LOXHD1: variants seen among roughly 807,000 people sequenced by gnomAD.
LOXHD1 encodes the protein lipoxygenase homology domain-containing protein 1.
Under a neutral mutation model 248.2 loss-of-function variants are expected in LOXHD1, and 205 were observed. The observed-to-expected ratio is 0.83, with a 90% confidence interval of 0.74 to 0.93. LOXHD1 has a LOEUF of 0.93. Ranked by LOEUF, LOXHD1 falls within the 40% of genes least tolerant of loss-of-function variation. The pLI is 0.00. For missense variants in LOXHD1, 2,930 were observed against 2,971.6 expected, an observed-to-expected ratio of 0.99 and a Z score of 0.33; for synonymous variants, 1,113 against 1,162.8, an observed-to-expected ratio of 0.96 and a Z score of 0.87.
rs199518750 is a variant in LOXHD1 at position 46,529,184 on chromosome 18, C to T, written c.4523G>A (p.Arg1508Lys). The T allele has an allele frequency of 3.0e-4, 465 of 1,551,572 alleles. 2 individuals are homozygous for T. Among genetic ancestry groups the T allele is most frequent in the Admixed American group, 1.1e-3 (54 of 50,982 alleles). ...TCCGTGTGCCCCTCATACCGTTCCT[C>T]TCTCGAACTTGTTGGTCCGGTTCTC... is the stretch of plus-strand genomic sequence containing the variant. ...KSENRTNKFE[R>K]GTADTFIIEA... The change falls in exon 29 of 41, where the codon AGA (arginine) becomes AAA (lysine). Residue 1508 changes from arginine (R) to lysine (K), a missense_variant. Coordinates refer to ENST00000642948, the MANE Select transcript of LOXHD1 (RefSeq NM_001384474.1).
At position 46,529,337 on chromosome 18, in the gene LOXHD1, C is replaced by T. The variant is rs369463541; in HGVS notation, c.4376-6G>A. 136 of 1,531,494 alleles carry T rather than the reference C, an allele frequency of 8.9e-5. No individual in the cohort carries two copies. The Middle Eastern group carries it at 1.3e-3, about 15-fold the overall frequency. 94.9% of individuals were successfully genotyped at this position (1,531,494 alleles called of 1,614,324 possible). On this transcript the variant is annotated splice_region_variant and splice_polypyrimidine_tract_variant and intron_variant, in intron 28 of 40. Transcript: ENST00000642948. ...CTGCACCGAGTACAGCACAACTGGGCAGGTGGTGGGACAGACAGACAGACA... is the reference window on the plus strand; with the variant it reads ...CTGCACCGAGTACAGCACAACTGGGTAGGTGGTGGGACAGACAGACAGACA...
intron 6 of LOXHD1, among the ~76,000 whole-genome samples, chr18:46,605,658 C>T (rs990448766): frequency 2.0e-5 from 3 of 152,122 alleles, no homozygotes; most frequent in Non-Finnish European, 4.4e-5. Context: ...TATACCAGGA[C>T]AGTACCATCC....
intron 24 of LOXHD1, 94 bp from the exon 25 acceptor site, chr18:46,542,034 T>A: frequency 8.0e-7 from 1 of 1,249,876 alleles, no homozygotes; most frequent in African/African-American, 1.5e-5. Context: ...CTTCCTTAGG[T>A]GGCTGGCTGA....
At chr18:46,642,747 G>A (rs1326450587) in intron 2 of LOXHD1, among the ~76,000 whole-genome samples, 2 of 152,216 alleles carry the variant, frequency 1.3e-5, no homozygotes, top group East Asian at 3.9e-4. Flanking sequence ...CAGCAGCCTC[G>A]CCACAGAATC....
intron 17 of LOXHD1, among the ~76,000 whole-genome samples, chr18:46,565,718 A>C (rs534756654): frequency 5.9e-5 from 9 of 152,336 alleles, no homozygotes; most frequent in Non-Finnish European, 1.3e-4. Context: ...ACCTAATACA[A>C]GGTAAATGCT....
At chr18:46,569,831 C>T (rs1568192409) in intron 15 of LOXHD1, among the ~76,000 whole-genome samples, 193 bp from the exon 16 acceptor site, 1 of 152,198 alleles carries the variant, frequency 6.6e-6, no homozygotes, top group Non-Finnish European at 1.5e-5. Flanking sequence ...TCTGTGAGGT[C>T]TCCTCAACTG....
At chr18:46,507,436 G>A in intron 36 of LOXHD1, 102 bp downstream of exon 36, 1 of 1,296,532 alleles carries the variant, frequency 7.7e-7, no homozygotes, top group South Asian at 1.4e-5. Flanking sequence ...ATTTTGGAAG[G>A]CCTTATGAAG....
intron 34 of LOXHD1, among the ~76,000 whole-genome samples, chr18:46,516,771 AATT>A (rs1455310518): frequency 6.6e-6 from 1 of 150,766 alleles, no homozygotes; most frequent in African/African-American, 2.4e-5. Flanking sequence ...CCATCATCAC[AATT>A]ATCATTTCTA....
chr18:46,547,950 G>A (rs1326964317), intron 21 of LOXHD1, among the ~76,000 whole-genome samples: 1 of 152,212 alleles, frequency 6.6e-6, no homozygotes, highest in African/African-American at 2.4e-5. Context: ...CTGTGCCTCA[G>A]TGTACCATAA....
At chr18:46,617,767 T>C (rs1350785820) in intron 5 of LOXHD1, among the ~76,000 whole-genome samples, 2 of 152,170 alleles carry the variant, frequency 1.3e-5, no homozygotes, top group Non-Finnish European at 2.9e-5. Flanking sequence ...CAAGTCAAAT[T>C]GTATTCCCAG....
At chr18:46,542,982 A>G in intron 23 of LOXHD1, 127 bp from the exon 24 acceptor site, 1 of 1,337,186 alleles carries the variant, frequency 7.5e-7, no homozygotes, top group Non-Finnish European at 1.0e-6. Flanking sequence ...TAGACTGTGC[A>G]ATTATCATCC....
chr18:46,653,003 G>A (rs2039131317), intron 1 of LOXHD1, among the ~76,000 whole-genome samples: 1 of 152,194 alleles, frequency 6.6e-6, no homozygotes, highest in Non-Finnish European at 1.5e-5. Flanking sequence ...TGTAATCCTA[G>A]CACTTTGGGA....
At chr18:46,641,342 C>G (rs998454830) in intron 3 of LOXHD1, among the ~76,000 whole-genome samples, 11 of 152,144 alleles carry the variant, frequency 7.2e-5, no homozygotes, top group East Asian at 1.9e-4. Context: ...ATGGCAGGGA[C>G]TAGGAAGGGA....
intron 8 of LOXHD1, among the ~76,000 whole-genome samples, chr18:46,595,293 A>T (rs2038240394): frequency 6.6e-6 from 1 of 152,198 alleles, no homozygotes; most frequent in Admixed American, 6.5e-5. Flanking sequence ...ACTTATAAGA[A>T]GCACCAGATG....
intron 13 of LOXHD1, among the ~76,000 whole-genome samples, chr18:46,578,390 G>A (rs2037899686): frequency 6.6e-6 from 1 of 152,326 alleles, no homozygotes; most frequent in South Asian, 2.1e-4. Flanking sequence ...ATGGACAAAG[G>A]CGTCAGAAGA....
intron 15 of LOXHD1, among the ~76,000 whole-genome samples, chr18:46,570,818 G>A (rs555516503): frequency 2.9e-4 from 44 of 152,332 alleles, no homozygotes; most frequent in South Asian, 8.3e-4. Context: ...ATTCAAAGCC[G>A]TCGTGGGCCA....
chr18:46,529,222 G>C lies in LOXHD1; in HGVS notation c.4485C>G (p.Tyr1495Ter), dbSNP rs1421762722. 1 of 1,551,570 alleles carries C rather than the reference G, an allele frequency of 6.4e-7. No homozygotes were observed. The highest frequency in any genetic ancestry group is 8.7e-7 in the Non-Finnish European group (1 of 1,146,966). ...YGDLGDTGER[Y>*]LGKSENRTNK... ...TGGTCCGGTTCTCTGACTTGCCAAGGTATCGCTCCCCAGTGTCCCCGAGGT... is the reference window on the plus strand; with the variant it reads ...TGGTCCGGTTCTCTGACTTGCCAAGCTATCGCTCCCCAGTGTCCCCGAGGT... Residue 1495 changes from tyrosine (Y) to a stop codon, truncating the protein, a stop_gained, in exon 29 of 41, where the codon TAC becomes TAG. Transcript: ENST00000642948. LOFTEE classifies it high-confidence loss of function.
rs868583953 is a variant in LOXHD1 at position 46,560,128 on chromosome 18, C to T, written c.3016G>A (p.Glu1006Lys). ...RWLARGKEDN[E>K]LVVELVPAGK... is the part of the protein sequence containing the mutation. Reference sequence around the variant, plus strand: ...GCTGGCACCAACTCCACGACAAGTTCGTTGTCCTCCTTGCCCCGGGCCAGC... The same window carrying T: ...GCTGGCACCAACTCCACGACAAGTTTGTTGTCCTCCTTGCCCCGGGCCAGC... Residue 1006 changes from glutamate to lysine, a missense_variant, in exon 19 of 41, where the codon GAA becomes AAA. Glu to Lys is a moderately conservative substitution (Grantham distance 56). Coordinates refer to ENST00000642948, the MANE Select transcript of LOXHD1 (RefSeq NM_001384474.1). The T allele has an allele frequency of 6.8e-5, 95 of 1,392,564 alleles. No homozygotes were observed. The highest frequency in any genetic ancestry group is 1.1e-4 in the East Asian group (3 of 27,110). 86.3% of individuals were successfully genotyped at this position (1,392,564 alleles called of 1,614,324 possible). A position where few individuals can be genotyped will look rare whatever the true frequency, so the allele number is the denominator to read the frequency against.
intron 31 of LOXHD1, among the ~76,000 whole-genome samples, chr18:46,523,619 AC>A (rs767853414): frequency 1.3e-5 from 2 of 152,200 alleles, no homozygotes; most frequent in Admixed American, 6.5e-5. Flanking sequence ...GGAAGACACT[AC>A]CCTGGCATAG....
Sources: gnomAD v4.1 joint callset for allele counts (sites outside exome capture counted in the v4.1 genomes callset) on GRCh38, gnomAD v4.1.1 for gene constraint, MANE v1.5 for transcripts, NCBI Gene and HGNC (gene_info 2026-07-23, HGNC 2026-07-21) for gene names.